CAMK4: variants seen among roughly 807,000 people sequenced by gnomAD.
CAMK4 encodes the protein calcium/calmodulin dependent protein kinase IV, also known as calcium/calmodulin-dependent protein kinase type IV.
CAMK4 carries 22 observed loss-of-function variants against 44.9 expected under a neutral mutation model. The observed-to-expected ratio is 0.49, with a 90% CI of 0.35 to 0.70. The LOEUF (loss-of-function observed/expected upper bound fraction) is 0.70, where lower values mean the gene tolerates loss of function less well. CAMK4 is among the 30% of genes least tolerant of loss of function. The probability of loss-of-function intolerance (pLI) is 0.01; values close to 1 mark genes in which losing one functional copy is unlikely to be tolerated. For synonymous variants in CAMK4, 218 were observed against 215.4 expected (o/e 1.01, Z -0.11); for missense variants, 498 against 586.8 (o/e 0.85, Z 1.56).
At chr5:111,381,191 C>G (rs1751398267) in intron 4 of CAMK4, among the ~76,000 whole-genome samples, 1 of 152,126 alleles carries the variant, frequency 6.6e-6, no homozygotes. Context: ...TCCTTCCCTT[C>G]CTTAGTGTAT....
At chr5:111,466,742 T>TC (rs1453636236) in intron 7 of CAMK4, among the ~76,000 whole-genome samples, 1 of 152,112 alleles carries the variant, frequency 6.6e-6, no homozygotes, top group Non-Finnish European at 1.5e-5. Flanking sequence ...ATGAGTAGAA[T>TC]CAATATTGTG....
intron 1 of CAMK4, among the ~76,000 whole-genome samples, chr5:111,229,703 A>G (rs1292447561): frequency 6.6e-6 from 1 of 152,174 alleles, no homozygotes; most frequent in Non-Finnish European, 1.5e-5. Flanking sequence ...CACTGCACTT[A>G]GAAGCTCCAG....
intron 2 of CAMK4, among the ~76,000 whole-genome samples, chr5:111,362,353 G>A (rs73788841): frequency 0.047 from 7,140 of 151,980 alleles, 577 homozygotes; most frequent in African/African-American, 0.16. Context: ...TTAGGGCTAG[G>A]CATTGATGAC....
chr5:111,372,485 G>A (rs774823701), intron 2 of CAMK4, among the ~76,000 whole-genome samples: 55 of 152,048 alleles, frequency 3.6e-4, no homozygotes, highest in Non-Finnish European at 6.9e-4. Context: ...GAGCTTCTGT[G>A]GCCATGTTTC....
intron 2 of CAMK4, among the ~76,000 whole-genome samples, chr5:111,362,793 G>A (rs1412182439): frequency 6.6e-6 from 1 of 151,946 alleles, no homozygotes; most frequent in African/African-American, 2.4e-5. Flanking sequence ...CAGGCTCTGT[G>A]CCCATGGAGG....
intron 5 of CAMK4, among the ~76,000 whole-genome samples, chr5:111,428,783 G>A (rs987666107): frequency 2.6e-5 from 4 of 152,008 alleles, no homozygotes; most frequent in Admixed American, 6.6e-5. Context: ...AAGAGATATG[G>A]GTAGAAAGTT....
At chr5:111,263,788 C>A (rs867918574) in intron 1 of CAMK4, among the ~76,000 whole-genome samples, 2 of 152,170 alleles carry the variant, frequency 1.3e-5, no homozygotes, top group Non-Finnish European at 2.9e-5. Flanking sequence ...CTGTAAAGGG[C>A]GGAAGCAGTG....
intron 4 of CAMK4, among the ~76,000 whole-genome samples, chr5:111,394,460 C>G (rs999341949): frequency 7.2e-5 from 11 of 152,092 alleles, no homozygotes; most frequent in Non-Finnish European, 1.5e-4. Flanking sequence ...AAGCTTAAAA[C>G]AGACAAAGTG....
Position 111,393,745 on chromosome 5 carries a change from A to G in CAMK4, c.387-965A>G, listed in dbSNP as rs1751895515. On this transcript the variant is annotated intron_variant, in intron 4 of 10. Coordinates refer to ENST00000282356, the MANE Select transcript of CAMK4 (RefSeq NM_001744.6). Reference sequence around the variant, plus strand: ...GAGGTTGGGAGGAAGGAGAGAGAAGATCAGGAAAAATAACTTATGGGTACT... The same window carrying G: ...GAGGTTGGGAGGAAGGAGAGAGAAGGTCAGGAAAAATAACTTATGGGTACT... Among the ~76,000 whole-genome samples the G allele has an allele frequency of 2.0e-5, 3 of 152,206 alleles. No homozygotes were observed. In the South Asian group the frequency reaches 6.2e-4, roughly 32 times the overall value.
chr5:111,253,735 T>C (rs1284392078), intron 1 of CAMK4, among the ~76,000 whole-genome samples: 1 of 152,186 alleles, frequency 6.6e-6, no homozygotes, highest in Non-Finnish European at 1.5e-5. Flanking sequence ...GTATATTATA[T>C]ACAGGCTTTT....
Position 111,229,467 on chromosome 5 carries a change from T to C in CAMK4, c.161+4823T>C, listed in dbSNP as rs768582876. Reference sequence around the variant, plus strand: ...AGCCCCACCTATAAATACCATCATATTGGAGTTGGAATAAGGCTTCAACAT... The same window carrying C: ...AGCCCCACCTATAAATACCATCATACTGGAGTTGGAATAAGGCTTCAACAT... On this transcript the variant is annotated intron_variant, in intron 1 of 10. Transcript: ENST00000282356. 6.6e-5 allele frequency among the ~76,000 whole-genome samples: 10 copies of C among 152,246 alleles called. 1 individual carries two copies. The highest frequency in any genetic ancestry group is 2.0e-4 in the Admixed American group (3 of 15,278).
chr5:111,377,512 A>G (rs1040557246), intron 4 of CAMK4, among the ~76,000 whole-genome samples: 33 of 3,068 alleles, frequency 0.011, no homozygotes, highest in Middle Eastern at 0.1. Flanking sequence ...GTGAGAATGG[A>G]GGGGGGTGGG....
intron 1 of CAMK4, among the ~76,000 whole-genome samples, chr5:111,334,366 C>G (rs1316832626): frequency 6.6e-6 from 1 of 151,462 alleles, no homozygotes; most frequent in Non-Finnish European, 1.5e-5. Context: ...CATCTTGAAG[C>G]ATTCTAGTGT....
At chr5:111,229,568 C>A (rs1311955451) in intron 1 of CAMK4, among the ~76,000 whole-genome samples, 1 of 152,112 alleles carries the variant, frequency 6.6e-6, no homozygotes, top group Non-Finnish European at 1.5e-5. Flanking sequence ...TTTGGTCAAC[C>A]AATTTCCTAA....
chr5:111,456,619 A>G (rs1754427878), intron 7 of CAMK4, among the ~76,000 whole-genome samples: 1 of 152,104 alleles, frequency 6.6e-6, no homozygotes, highest in African/African-American at 2.4e-5. Flanking sequence ...CTAAATATGA[A>G]TGTGATAGTT....
chr5:111,437,907 C>G (rs998389680), intron 5 of CAMK4, among the ~76,000 whole-genome samples: 4 of 152,068 alleles, frequency 2.6e-5, no homozygotes, highest in Admixed American at 2.0e-4. Context: ...GCCTGATTCC[C>G]TGTGCTTTAT....
At chr5:111,466,721 C>G (rs2112475950) in intron 7 of CAMK4, among the ~76,000 whole-genome samples, 1 of 152,240 alleles carries the variant, frequency 6.6e-6, no homozygotes, top group East Asian at 1.9e-4. Context: ...GGACATGTCC[C>G]ATGCTCATGG....
chr5:111,412,964 T>G (rs1202629057), intron 5 of CAMK4, among the ~76,000 whole-genome samples: 2 of 152,298 alleles, frequency 1.3e-5, no homozygotes, highest in East Asian at 3.9e-4. Flanking sequence ...TCTGGACACA[T>G]TGACTATGGG....
chr5:111,254,579 A>G (rs1749657941), intron 1 of CAMK4, among the ~76,000 whole-genome samples: 1 of 152,216 alleles, frequency 6.6e-6, no homozygotes, highest in Non-Finnish European at 1.5e-5. Context: ...AGAAATTAAC[A>G]TATTGAGAAG....
Sources: allele counts gnomAD v4.1 joint callset (sites outside exome capture counted in the v4.1 genomes callset), GRCh38; gene constraint gnomAD v4.1.1; transcripts MANE v1.5; gene names NCBI Gene and HGNC (gene_info 2026-07-23, HGNC 2026-07-21).